Variants in PSMC3 observed in about 807,000 individuals in gnomAD.
PSMC3 encodes 26S proteasome regulatory subunit 6A.
Under a neutral mutation model 52.0 loss-of-function variants are expected in PSMC3, and 11 were observed. The observed-to-expected ratio is 0.21, with a 90% CI of 0.13 to 0.35. The LOEUF (loss-of-function observed/expected upper bound fraction) is 0.35. Ranked by LOEUF, PSMC3 falls within the 10% of genes least tolerant of loss-of-function variation. The pLI is 1.00. For missense variants in PSMC3, 238 were observed against 567.1 expected, an observed-to-expected ratio of 0.42 and a Z score of 5.89; for synonymous variants, 201 against 218.8, an observed-to-expected ratio of 0.92 and a Z score of 0.72.
rs1359578714 is a variant in PSMC3 at position 47,424,990 on chromosome 11, G to A, written c.285+131C>T. ...CAGGCCCCGTCTTCCCCATGAAAGTGCCCCAGGAGGTGTAGCTCTGACATG... is the reference window on the plus strand; with the variant it reads ...CAGGCCCCGTCTTCCCCATGAAAGTACCCCAGGAGGTGTAGCTCTGACATG... On this transcript the variant is annotated intron_variant, in intron 3 of 11. Coordinates refer to ENST00000298852, the MANE Select transcript of PSMC3 (RefSeq NM_002804.5). The surrounding 1 kb of genome is among the most constrained non-coding windows in gnomAD (Gnocchi z 4.8). 14 of 1,351,098 alleles carry A rather than the reference G, an allele frequency of 1.0e-5. No individual in the cohort carries two copies. The highest frequency in any genetic ancestry group is 3.9e-5 in the Admixed American group (2 of 51,754). 83.7% of individuals were successfully genotyped at this position (1,351,098 alleles called of 1,614,324 possible). A position where few individuals can be genotyped will look rare whatever the true frequency, so the allele number is the denominator to read the frequency against.
Position 47,426,118 on chromosome 11 carries a change from T to C in PSMC3, c.75+87A>G, listed in dbSNP as rs775154372. 1.2e-5 allele frequency: 18 copies of C among 1,481,896 alleles called. No individual in the cohort carries two copies. In the African/African-American group the frequency reaches 2.1e-4, roughly 17 times the overall value. 91.8% of individuals were successfully genotyped at this position (1,481,896 alleles called of 1,614,324 possible). A position where few individuals can be genotyped will look rare whatever the true frequency, so the allele number is the denominator to read the frequency against. On this transcript the variant is annotated intron_variant, in intron 1 of 11. Transcript: ENST00000298852. The stretch of plus-strand genomic sequence containing the variant: ...CCCGTCCCCGGGATCGGGCCAGACC[T>C]TGACCCCCAGCCACCTCCTTCCCTC...
rs2096041130 is a variant in PSMC3 at position 47,422,020 on chromosome 11, C to A, written c.884+554G>T. 7.0e-6 allele frequency among the ~76,000 whole-genome samples: 1 copy of A among 143,508 alleles called. No homozygotes were observed. Among genetic ancestry groups the A allele is most frequent in the African/African-American group, 2.6e-5 (1 of 38,532 alleles). 94.1% of individuals were successfully genotyped at this position (143,508 alleles called of 152,430 possible). ...TTCATGTGAGCGAGGTGGCCAGATT[C>A]CTGCTTTGGCTTTTTTTGTTTTGTT... is the stretch of plus-strand genomic sequence containing the variant. On this transcript the variant is annotated intron_variant, in intron 8 of 11. Transcript: ENST00000298852. The surrounding 1 kb of genome is among the most constrained non-coding windows in gnomAD (Gnocchi z 4.3).
At chr11:47,425,774 A>T in intron 2 of PSMC3, 93 bp downstream of exon 2, 1 of 1,107,582 alleles carries the variant, frequency 9.0e-7, no homozygotes, top group Non-Finnish European at 1.3e-6. Context: ...TGTCTCCCCC[A>T]GGGTGCCCGA....
chr11:47,423,931 T>G, intron 6 of PSMC3, 115 bp downstream of exon 6: 1 of 1,448,548 alleles, frequency 6.9e-7, no homozygotes, highest in Non-Finnish European at 9.5e-7. Flanking sequence ...CACCCCTCCC[T>G]TCCTCCCTAG....
At chr11:47,419,063 G>A in intron 11 of PSMC3, 53 bp downstream of exon 11, 2 of 1,611,022 alleles carry the variant, frequency 1.2e-6, no homozygotes, top group Non-Finnish European at 1.7e-6. Context: ...ATCCTGTCCA[G>A]GGAGGGGGCA....
At chr11:47,425,547 C>G (rs113173408) in intron 2 of PSMC3, 259 of 553,088 alleles carry the variant, frequency 4.7e-4, no homozygotes, top group African/African-American at 4.0e-3. Flanking sequence ...TATCGCAGTA[C>G]AAACCTCTCT....
intron 8 of PSMC3, among the ~76,000 whole-genome samples, chr11:47,421,743 C>T (rs563205705): frequency 4.9e-4 from 74 of 151,930 alleles, no homozygotes; most frequent in Middle Eastern, 3.4e-3. Flanking sequence ...ACCTCCGCCT[C>T]CCAAGTTCAA....
Position 47,420,342 on chromosome 11 carries a change from C to T in PSMC3, c.1049G>A (p.Arg350His), listed in dbSNP as rs930073621. 4 of 1,614,162 alleles carry T rather than the reference C, an allele frequency of 2.5e-6. No individual in the cohort carries two copies. Among genetic ancestry groups the T allele is most frequent in the Non-Finnish European group, 3.4e-6 (4 of 1,180,044 alleles). ...PALLRSGRLD[R>H]KIEFPMPNEE... Reference sequence around the variant, plus strand: ...ATTGGGCATCGGGAACTCTATCTTGCGGTCAAGGCGGCCCGAGCGGAGGAG... The same window carrying T: ...ATTGGGCATCGGGAACTCTATCTTGTGGTCAAGGCGGCCCGAGCGGAGGAG... The change falls in exon 10 of 12, where the codon CGC becomes CAC. Residue 350 changes from arginine (R) to histidine (H), a missense_variant. Around this residue, in one of 6 missense-constraint regions of PSMC3, gnomAD observed 46 missense variants for 172.9 expected, o/e 0.27. Transcript: ENST00000298852.
Position 47,420,745 on chromosome 11 carries a change from C to G in PSMC3, c.885-18G>C. On this transcript the variant is annotated intron_variant, in intron 8 of 11. Transcript: ENST00000298852. ...TGTCAAAGCTAGGGCACAGGAAGCC[C>G]GAGATGCTGGTGAGGGCACAGCTTA... The G allele has an allele frequency of 1.3e-6, 2 of 1,552,366 alleles. No individual in the cohort carries two copies. Among genetic ancestry groups the G allele is most frequent in the Non-Finnish European group, 1.7e-6 (2 of 1,147,184 alleles).
chr11:47,426,362 G>A lies in PSMC3; in HGVS notation c.-83C>T. The A allele has an allele frequency of 7.8e-7, 1 of 1,284,844 alleles. No individual in the cohort carries two copies. The highest frequency in any genetic ancestry group is 1.1e-6 in the Non-Finnish European group (1 of 934,804). The allele number at this position is 1,284,844 out of a possible 1,614,324, so 79.6% of individuals were successfully genotyped here. ...ACCGTCTTTCTTAAAGCCTTCTCTT[G>A]ACCAGTGGAAAACCTCTCCCCACAA... On this transcript the variant is annotated 5_prime_UTR_variant, in exon 1 of 12. Transcript: ENST00000298852.
chr11:47,425,075 CCA>C (rs1272947547), intron 3 of PSMC3, 44 bp downstream of exon 3: 3 of 1,612,960 alleles, frequency 1.9e-6, no homozygotes, highest in Non-Finnish European at 2.5e-6. Flanking sequence ...CAGGCTGTCC[CCA>C]TTCCCTGCTG....
At chr11:47,420,753 T>C (rs942761038) in intron 8 of PSMC3, 26 bp from the exon 9 acceptor site, 2 of 1,546,828 alleles carry the variant, frequency 1.3e-6, no homozygotes, top group African/African-American at 2.7e-5. Flanking sequence ...CCCGAGATGC[T>C]GGTGAGGGCA....
Position 47,422,107 on chromosome 11 carries a change from A to G in PSMC3, c.884+467T>C, listed in dbSNP as rs1327746624. ...CACCAGGCTGGAGTGCAGTGGCGCA[A>G]TCTTGGCTCACTCCAATCTCTGCCT... On this transcript the variant is annotated intron_variant, in intron 8 of 11. Coordinates refer to ENST00000298852, the MANE Select transcript of PSMC3 (RefSeq NM_002804.5). The surrounding 1 kb of genome is among the most constrained non-coding windows in gnomAD (Gnocchi z 4.3). Among the ~76,000 whole-genome samples, 5 of 151,446 alleles carry G rather than the reference A, an allele frequency of 3.3e-5. No individual in the cohort carries two copies. The highest frequency in any genetic ancestry group is 9.7e-5 in the African/African-American group (4 of 41,144).
intron 8 of PSMC3, among the ~76,000 whole-genome samples, chr11:47,421,897 C>A (rs1320020252): frequency 6.6e-6 from 1 of 151,956 alleles, no homozygotes; most frequent in African/African-American, 2.4e-5. Context: ...AGTGATCTGC[C>A]CACCTCAGCC....
At chr11:47,419,269 TG>T in intron 10 of PSMC3, 72 bp from the exon 11 acceptor site, 1 of 1,519,870 alleles carries the variant, frequency 6.6e-7, no homozygotes, top group Non-Finnish European at 9.1e-7. Flanking sequence ...TATCCTCCCC[TG>T]GCCCCGTCAA....
At chr11:47,423,291 C>T (rs2096042856) in intron 6 of PSMC3, among the ~76,000 whole-genome samples, 1 of 152,114 alleles carries the variant, frequency 6.6e-6, no homozygotes, top group Non-Finnish European at 1.5e-5. Flanking sequence ...GTCCCAGCTA[C>T]TCAGGAGGCT....
chr11:47,422,334 G>A lies in PSMC3; in HGVS notation c.884+240C>T, dbSNP rs1411801546. 6.6e-6 allele frequency among the ~76,000 whole-genome samples: 1 copy of A among 152,202 alleles called. No individual in the cohort carries two copies. Among genetic ancestry groups the A allele is most frequent in the African/African-American group, 2.4e-5 (1 of 41,450 alleles). On this transcript the variant is annotated intron_variant, in intron 8 of 11. Transcript: ENST00000298852. This position sits in a 1 kb window ranked among gnomAD's most constrained non-coding sequence, Gnocchi z 4.3. ...TGGGATTACAGGCGTGAGCCACCGTGCCCGGCCCAGATTCCTGTTTTGAAA... is the reference window on the plus strand; with the variant it reads ...TGGGATTACAGGCGTGAGCCACCGTACCCGGCCCAGATTCCTGTTTTGAAA...
chr11:47,421,357 C>G lies in PSMC3; in HGVS notation c.885-630G>C, dbSNP rs537173878. Among the ~76,000 whole-genome samples the G allele has an allele frequency of 4.0e-5, 6 of 150,310 alleles. No individual in the cohort carries two copies. In the South Asian group the frequency reaches 6.3e-4, roughly 16 times the overall value. On this transcript the variant is annotated intron_variant, in intron 8 of 11. Coordinates refer to ENST00000298852, the MANE Select transcript of PSMC3 (RefSeq NM_002804.5). ...AGCTAACGCTTAAAAACACAGGTAT[C>G]TGGCCCAGCCTTGGACGGTGCTGTA... is the stretch of plus-strand genomic sequence containing the variant.
At position 47,424,827 on chromosome 11, in the gene PSMC3, G is replaced by T; in HGVS notation, c.286-116C>A. 1 of 989,060 alleles carries T rather than the reference G, an allele frequency of 1.0e-6. No homozygotes were observed. The highest frequency in any genetic ancestry group is 1.6e-6 in the Non-Finnish European group (1 of 642,900). 61.3% of individuals were successfully genotyped at this position (989,060 alleles called of 1,614,324 possible). On this transcript the variant is annotated intron_variant, in intron 3 of 11. Transcript: ENST00000298852. The surrounding 1 kb of genome is among the most constrained non-coding windows in gnomAD (Gnocchi z 4.8). ...TACCTCCCTCCTCCAATAGCCCTGA[G>T]CCCACCAAACGTGGGTGCCCCTGCT...
Sources: gnomAD v4.1 joint callset for allele counts (sites outside exome capture counted in the v4.1 genomes callset) on GRCh38, gnomAD v4.1.1 for gene constraint, gnomAD v4.1.1 regional missense constraint, Gnocchi (gnomAD v3.1) non-coding constraint, MANE v1.5 for transcripts, NCBI Gene and HGNC (gene_info 2026-07-23, HGNC 2026-07-21) for gene names.